The following SEMA6D variants were observed in gnomAD, a reference collection of about 807,000 sequenced individuals.
SEMA6D encodes semaphorin-6D.
Under a neutral mutation model 106.6 loss-of-function variants are expected in SEMA6D, and 35 were observed. The observed-to-expected ratio is 0.33, with a 90% CI of 0.25 to 0.44. The LOEUF is 0.44. SEMA6D is among the 20% of genes least tolerant of loss of function. SEMA6D has a pLI of 1.00. For synonymous variants in SEMA6D, 499 were observed against 487.7 expected (o/e 1.02, Z -0.31); for missense variants, 1,185 against 1,345.9 (o/e 0.88, Z 1.87).
intron 3 of SEMA6D, among the ~76,000 whole-genome samples, chr15:47,588,185 C>A (rs2076377145): frequency 6.6e-6 from 1 of 152,174 alleles, no homozygotes; most frequent in East Asian, 1.9e-4. Context: ...ACAAAGGACT[C>A]CAGCCATGAC....
intron 1 of SEMA6D, among the ~76,000 whole-genome samples, chr15:47,400,682 T>A (rs1722658496): frequency 6.6e-6 from 1 of 151,970 alleles, no homozygotes; most frequent in Admixed American, 6.6e-5. Context: ...GTCCAAGGAG[T>A]CTTTTGAACC....
intron 1 of SEMA6D, among the ~76,000 whole-genome samples, chr15:47,297,070 C>G (rs543967795): frequency 6.6e-6 from 1 of 152,270 alleles, no homozygotes; most frequent in Non-Finnish European, 1.5e-5. Context: ...TTGTCTTATT[C>G]AAGGGCACAC....
At chr15:47,357,316 A>G (rs908935990) in intron 1 of SEMA6D, among the ~76,000 whole-genome samples, 8 of 152,298 alleles carry the variant, frequency 5.3e-5, no homozygotes, top group Non-Finnish European at 1.0e-4. Flanking sequence ...CCTGGGCGAC[A>G]GCAAGACTCC....
At chr15:47,764,101 C>T in intron 10 of SEMA6D, 34 bp downstream of exon 10, 1 of 1,612,950 alleles carries the variant, frequency 6.2e-7, no homozygotes. Context: ...CAAAGATATT[C>T]TCTGCATGCC....
intron 2 of SEMA6D, among the ~76,000 whole-genome samples, chr15:47,462,478 A>C (rs2042544574): frequency 1.3e-5 from 2 of 152,100 alleles, no homozygotes; most frequent in Admixed American, 1.3e-4. Flanking sequence ...TTTTTTAGGA[A>C]ACTGAACCTC....
At chr15:47,756,117 G>A (rs1211100751) in intron 1 of SEMA6D, among the ~76,000 whole-genome samples, 2 of 152,070 alleles carry the variant, frequency 1.3e-5, no homozygotes, top group Non-Finnish European at 2.9e-5. Flanking sequence ...AGCTAGTCAG[G>A]CATCCTGGCT....
chr15:47,475,342 A>C (rs2141229739), intron 3 of SEMA6D, among the ~76,000 whole-genome samples: 1 of 152,316 alleles, frequency 6.6e-6, no homozygotes, highest in Admixed American at 6.5e-5. Flanking sequence ...CAATGAGGAA[A>C]ATAAGGCCTA....
intron 1 of SEMA6D, among the ~76,000 whole-genome samples, chr15:47,314,264 C>G (rs2036553074): frequency 6.6e-6 from 1 of 152,030 alleles, no homozygotes; most frequent in African/African-American, 2.4e-5. Flanking sequence ...GATCTTTGGG[C>G]CATTTTTTAA....
At chr15:47,293,890 C>T (rs777225767) in intron 1 of SEMA6D, among the ~76,000 whole-genome samples, 6 of 152,204 alleles carry the variant, frequency 3.9e-5, no homozygotes, top group Non-Finnish European at 8.8e-5. Flanking sequence ...AAGAAATATA[C>T]TCAATTAAGT....
At chr15:47,251,931 T>A in intron 1 of SEMA6D, among the ~76,000 whole-genome samples, 1 of 141,754 alleles carries the variant, frequency 7.1e-6, no homozygotes, top group Non-Finnish European at 1.5e-5. Flanking sequence ...TTTTTTTTTT[T>A]TTGAGACGGA....
chr15:47,360,987 G>C (rs879766264), intron 1 of SEMA6D, among the ~76,000 whole-genome samples: 1 of 152,342 alleles, frequency 6.6e-6, no homozygotes, highest in Admixed American at 6.5e-5. Context: ...ACAGAAGCAG[G>C]CAGAACTCTG....
intron 1 of SEMA6D, among the ~76,000 whole-genome samples, chr15:47,356,718 A>G (rs1386690112): frequency 2.0e-5 from 3 of 152,166 alleles, no homozygotes; most frequent in East Asian, 3.9e-4. Flanking sequence ...GTAAGACATC[A>G]GTTTTTCAGG....
intron 1 of SEMA6D, among the ~76,000 whole-genome samples, chr15:47,265,678 G>A (rs915374963): frequency 5.3e-5 from 8 of 151,570 alleles, no homozygotes; most frequent in Non-Finnish European, 1.0e-4. Flanking sequence ...TTCTTTGCAT[G>A]CCTCTCAATT....
intron 1 of SEMA6D, among the ~76,000 whole-genome samples, chr15:47,328,275 C>A (rs1426996809): frequency 6.6e-6 from 1 of 152,108 alleles, no homozygotes; most frequent in Non-Finnish European, 1.5e-5. Flanking sequence ...TTCTTTGATG[C>A]CAAGTTGACG....
chr15:47,662,857 G>GCGCA (rs1555405461), intron 4 of SEMA6D, among the ~76,000 whole-genome samples: 94 of 134,164 alleles, frequency 7.0e-4, no homozygotes, highest in South Asian at 1.9e-3. Context: ...GTGTATGAGC[G>GCGCA]CACACACACA....
chr15:47,488,809 G>A (rs1173127056), intron 3 of SEMA6D, among the ~76,000 whole-genome samples: 1 of 152,144 alleles, frequency 6.6e-6, no homozygotes, highest in African/African-American at 2.4e-5. Flanking sequence ...GGGAGACAGT[G>A]AGATAAGGAC....
intron 3 of SEMA6D, among the ~76,000 whole-genome samples, chr15:47,483,124 T>G (rs999456522): frequency 6.6e-6 from 1 of 152,144 alleles, no homozygotes; most frequent in Non-Finnish European, 1.5e-5. Context: ...TATTAGGAAT[T>G]TGGGGGCATG....
rs553505210 is a variant in SEMA6D at position 47,330,728 on chromosome 15, T to A, written c.-238-81665T>A. Among the ~76,000 whole-genome samples, 4 of 152,272 alleles carry A rather than the reference T, an allele frequency of 2.6e-5. No individual in the cohort carries two copies. The South Asian group carries it at 6.2e-4, about 24-fold the overall frequency. On this transcript the variant is annotated intron_variant, in intron 1 of 19. Coordinates refer to the SEMA6D transcript ENST00000558014. ...AGCAATGAATTCTCAAGAAAGAATGTTGTGGGATCTCAGAGGTAGCCATGA... is the reference window on the plus strand; with the variant it reads ...AGCAATGAATTCTCAAGAAAGAATGATGTGGGATCTCAGAGGTAGCCATGA...
chr15:47,359,375 G>A (rs915971952), intron 1 of SEMA6D: 1 of 152,158 alleles, frequency 6.6e-6, no homozygotes, highest in African/African-American at 2.4e-5. Context: ...AGAGGTTGTT[G>A]TGAGGATTAA....
Sources: allele counts gnomAD v4.1 joint callset (sites outside exome capture counted in the v4.1 genomes callset), GRCh38; gene constraint gnomAD v4.1.1; transcripts MANE v1.5; gene names NCBI Gene and HGNC (gene_info 2026-07-23, HGNC 2026-07-21).